The following P2RY2 variants were observed in gnomAD, a reference collection of about 807,000 sequenced individuals.
P2RY2 encodes the protein P2Y purinoceptor 2.
For synonymous variants in P2RY2, 241 were observed against 231.9 expected (o/e 1.04, Z -0.35); for missense variants, 567 against 515.7 (o/e 1.10, Z -0.96).
chr11:73,230,373 A>C (rs893719835), intron 2 of P2RY2, among the ~76,000 whole-genome samples: 14 of 150,212 alleles, frequency 9.3e-5, no homozygotes, highest in Admixed American at 3.3e-4. Flanking sequence ...CACCACAATC[A>C]CCTCCACAGC....
Position 73,234,616 on chromosome 11 carries a change from G to T in P2RY2, c.457G>T (p.Val153Leu). ...RWGRARYARR[V>L]AGAVWVLVLA... is the part of the protein sequence containing the mutation. Reference sequence around the variant, plus strand: ...GGGCCGGGCCCGCTACGCTCGCCGGGTGGCCGGGGCCGTGTGGGTGTTGGT... The same window carrying T: ...GGGCCGGGCCCGCTACGCTCGCCGGTTGGCCGGGGCCGTGTGGGTGTTGGT... Residue 153 changes from valine (V) to leucine (L), a missense_variant, in exon 3 of 3, where the codon GTG (valine) becomes TTG (leucine). Coordinates refer to ENST00000393597, the MANE Select transcript of P2RY2 (RefSeq NM_002564.4). 2 of 1,566,532 alleles carry T rather than the reference G, an allele frequency of 1.3e-6. No homozygotes were observed. Among genetic ancestry groups the T allele is most frequent in the African/African-American group, 1.4e-5 (1 of 73,968 alleles).
At chr11:73,223,608 G>A (rs538567715) in intron 1 of P2RY2, among the ~76,000 whole-genome samples, 1 of 152,302 alleles carries the variant, frequency 6.6e-6, no homozygotes, top group East Asian at 1.9e-4. Context: ...TGAGAAGGGG[G>A]GCTGACTTCA....
Position 73,234,948 on chromosome 11 carries a change from C to T in P2RY2, c.789C>T (p.Val263=), listed in dbSNP as rs143863646. Residue 263 remains valine (V), a synonymous_variant, in exon 3 of 3, where the codon GTC becomes GTT. Transcript: ENST00000393597. ...CCCTCTGCTTCCTGCCATTCCACGT[C>T]ACCCGCACCCTCTACTACTCCTTCC... ...VFALCFLPFH[V]TRTLYYSFRS... 191 of 1,610,826 alleles carry T rather than the reference C, an allele frequency of 1.2e-4. No homozygotes were observed. The highest frequency in any genetic ancestry group is 4.9e-4 in the Middle Eastern group (3 of 6,084).
intron 1 of P2RY2, among the ~76,000 whole-genome samples, chr11:73,227,315 T>C (rs956417866): frequency 1.3e-5 from 2 of 152,220 alleles, no homozygotes; most frequent in Non-Finnish European, 1.5e-5. Context: ...AGGAGATTTC[T>C]AAATGCCATT....
Position 73,234,568 on chromosome 11 carries a change from C to T in P2RY2, c.409C>T (p.Arg137Ter). ...ISVHRCLGVLRPLRSLRWGRA... is the reference protein window; with the variant it reads ...ISVHRCLGVL ...CGTGCACCGGTGTCTGGGCGTCTTACGACCTCTGCGCTCCCTGCGCTGGGG... is the reference window on the plus strand; with the variant it reads ...CGTGCACCGGTGTCTGGGCGTCTTATGACCTCTGCGCTCCCTGCGCTGGGG... Residue 137 changes from arginine to a stop codon, truncating the protein, a stop_gained, in exon 3 of 3, where the codon CGA becomes TGA. Coordinates refer to ENST00000393597, the MANE Select transcript of P2RY2 (RefSeq NM_002564.4). LOFTEE classifies it low-confidence loss of function (END_TRUNC). 6.3e-7 allele frequency: 1 copy of T among 1,586,104 alleles called. No individual in the cohort carries two copies. The highest frequency in any genetic ancestry group is 1.2e-5 in the South Asian group (1 of 85,140).
At chr11:73,230,764 G>C (rs1239650705) in intron 2 of P2RY2, among the ~76,000 whole-genome samples, 1 of 152,158 alleles carries the variant, frequency 6.6e-6, no homozygotes, top group Non-Finnish European at 1.5e-5. Context: ...GGTCACAGGG[G>C]TTGGGGCGGG....
At position 73,234,382 on chromosome 11, in the gene P2RY2, C is replaced by G; in HGVS notation, c.223C>G (p.Leu75Val). The G allele has an allele frequency of 6.2e-7, 1 of 1,614,256 alleles. No individual in the cohort carries two copies. Among genetic ancestry groups the G allele is most frequent in the South Asian group, 1.1e-5 (1 of 91,092 alleles). The change falls in exon 3 of 3, where the codon CTG becomes GTG. Residue 75 changes from leucine (L) to valine (V), a missense_variant. Leu to Val is a conservative substitution (Grantham distance 32). Coordinates refer to ENST00000393597, the MANE Select transcript of P2RY2 (RefSeq NM_002564.4). ...TGCGTCCACCACATATATGTTCCAC[C>G]TGGCTGTGTCTGATGCACTGTATGC... ...WNASTTYMFHLAVSDALYAAS... is the reference protein window; with the variant it reads ...WNASTTYMFHVAVSDALYAAS...
intron 1 of P2RY2, 127 bp downstream of exon 1, chr11:73,218,559 G>A (rs1862029004): frequency 6.6e-6 from 1 of 152,444 alleles, no homozygotes; most frequent in Admixed American, 6.5e-5. Context: ...GTCGCCCCGG[G>A]GCACAGTTGC....
chr11:73,234,975 C>T lies in P2RY2; in HGVS notation c.816C>T (p.Arg272=), dbSNP rs1783596. ...CCCGCACCCTCTACTACTCCTTCCG[C>T]TCGCTGGACCTCAGCTGCCACACCC... is the stretch of plus-strand genomic sequence containing the variant. ...HVTRTLYYSF[R]SLDLSCHTLN... is the part of the protein sequence containing the mutation. The change falls in exon 3 of 3, where the codon CGC becomes CGT. Residue 272 remains arginine (R), a synonymous_variant. Coordinates refer to ENST00000393597, the MANE Select transcript of P2RY2 (RefSeq NM_002564.4). The T allele has an allele frequency of 0.55, 886,840 of 1,609,496 alleles. 245,662 individuals carry two copies. The highest frequency in any genetic ancestry group is 0.65 in the Admixed American group (38,991 of 60,014).
At chr11:73,231,392 C>CA (rs201697252) in intron 2 of P2RY2, among the ~76,000 whole-genome samples, 2,324 of 110,488 alleles carry the variant, frequency 0.021, 88 homozygotes, top group African/African-American at 0.096. Flanking sequence ...CTAAAAAATA[C>CA]AAAAAAAAAA....
Position 73,234,836 on chromosome 11 carries a change from T to C in P2RY2, c.677T>C (p.Leu226Pro), listed in dbSNP as rs1862583553. Residue 226 changes from leucine (L) to proline (P), a missense_variant, in exon 3 of 3, where the codon CTA (leucine) becomes CCA (proline). Physicochemically the swap from Leu to Pro is moderately conservative, Grantham distance 98. Coordinates refer to ENST00000393597, the MANE Select transcript of P2RY2 (RefSeq NM_002564.4). ...VCYVLMARRL[L>P]KPAYGTSGGL... ...TACGTGCTCATGGCTCGGCGACTGC[T>C]AAAGCCAGCCTACGGGACCTCGGGC... 1 of 1,611,106 alleles carries C rather than the reference T, an allele frequency of 6.2e-7. No individual in the cohort carries two copies. Among genetic ancestry groups the C allele is most frequent in the South Asian group, 1.1e-5 (1 of 91,096 alleles).
Position 73,236,915 on chromosome 11 carries a change from C to T in P2RY2, c.*1622C>T. 2.0e-6 allele frequency: 2 copies of T among 985,124 alleles called. No individual in the cohort carries two copies. The highest frequency in any genetic ancestry group is 2.4e-6 in the Non-Finnish European group (2 of 829,706). The allele number at this position is 985,124 out of a possible 1,614,324, so 61.0% of individuals were successfully genotyped here. A position where few individuals can be genotyped will look rare whatever the true frequency, so the allele number is the denominator to read the frequency against. On this transcript the variant is annotated 3_prime_UTR_variant, in exon 3 of 3. Coordinates refer to ENST00000393597, the MANE Select transcript of P2RY2 (RefSeq NM_002564.4). ...CCCTAGCCTTTGGAAAGGGACAGGG[C>T]AAAGCTGACAGGCCTCACTCTTGAT...
rs545426915 is a variant in P2RY2 at position 73,227,711 on chromosome 11, G to A, written c.-199-270G>A. ...GGAGGCTTGGAGGCTTGGCTCAGCT[G>A]TACAGGACATGGGGGAGACCTTCCT... On this transcript the variant is annotated intron_variant, in intron 1 of 2. Transcript: ENST00000393597. Among the ~76,000 whole-genome samples the A allele has an allele frequency of 7.8e-4, 118 of 152,204 alleles. 2 individuals carry two copies. The highest frequency in any genetic ancestry group is 6.3e-4 in the Non-Finnish European group (43 of 68,024).
chr11:73,223,745 T>C (rs1462356046), intron 1 of P2RY2, among the ~76,000 whole-genome samples: 1 of 152,184 alleles, frequency 6.6e-6, no homozygotes, highest in East Asian at 1.9e-4. Flanking sequence ...TCTGAGCCTG[T>C]TTAATTTAGT....
Position 73,237,117 on chromosome 11 carries a change from A to G in P2RY2, c.*1824A>G, listed in dbSNP as rs1862672881. 1 of 985,358 alleles carries G rather than the reference A, an allele frequency of 1.0e-6. No individual in the cohort carries two copies. Among genetic ancestry groups the G allele is most frequent in the Non-Finnish European group, 1.2e-6 (1 of 829,898 alleles). The allele number at this position is 985,358 out of a possible 1,614,324, so 61.0% of individuals were successfully genotyped here. A position where few individuals can be genotyped will look rare whatever the true frequency, so the allele number is the denominator to read the frequency against. On this transcript the variant is annotated 3_prime_UTR_variant, in exon 3 of 3. Transcript: ENST00000393597. ...CAGCGCCCTCATGTGACAGAGACCC[A>G]TCACAGACCATGACCCAAATGATTA...
In P2RY2 at chr11:73,235,595, A is replaced by C; in HGVS notation, c.*302A>C. 9.0e-7 allele frequency: 1 copy of C among 1,112,412 alleles called. No homozygotes were observed. Among genetic ancestry groups the C allele is most frequent in the Non-Finnish European group, 1.1e-6 (1 of 903,584 alleles). 68.9% of individuals were successfully genotyped at this position (1,112,412 alleles called of 1,614,324 possible). A position where few individuals can be genotyped will look rare whatever the true frequency, so the allele number is the denominator to read the frequency against. On this transcript the variant is annotated 3_prime_UTR_variant, in exon 3 of 3. Transcript: ENST00000393597. Reference sequence around the variant, plus strand: ...ATGCAAGTAGCTGGCTGTACTGCCAAGGTACCTAGGTTGGAGTCCAGCCTA... The same window carrying C: ...ATGCAAGTAGCTGGCTGTACTGCCACGGTACCTAGGTTGGAGTCCAGCCTA...
chr11:73,218,981 C>A (rs1387273437), intron 1 of P2RY2, among the ~76,000 whole-genome samples: 1 of 152,158 alleles, frequency 6.6e-6, no homozygotes, highest in Non-Finnish European at 1.5e-5. Context: ...AAGCCTCTGT[C>A]CCCGGGCTTT....
At chr11:73,221,917 TGGAGTAGAAGG>T (rs71873733) in intron 1 of P2RY2, among the ~76,000 whole-genome samples, 7,425 of 152,156 alleles carry the variant, frequency 0.049, 625 homozygotes, top group African/African-American at 0.17. Flanking sequence ...GGAGTAGGCA[TGGAGTAGAAGG>T]GGAGGCTTTG....
chr11:73,229,041 C>T (rs146280006), intron 2 of P2RY2, among the ~76,000 whole-genome samples: 1 of 152,078 alleles, frequency 6.6e-6, no homozygotes, highest in Non-Finnish European at 1.5e-5. Context: ...TCCTGTAATA[C>T]CTCCTGTGGT....
Sources: allele counts gnomAD v4.1 joint callset (sites outside exome capture counted in the v4.1 genomes callset), GRCh38; gene constraint gnomAD v4.1.1; transcripts MANE v1.5; gene names NCBI Gene and HGNC (gene_info 2026-07-23, HGNC 2026-07-21).